The following OPCML variants were observed in gnomAD, a reference collection of about 807,000 sequenced individuals.
The protein encoded by OPCML is opioid binding protein/cell adhesion molecule like, also known as opioid-binding protein/cell adhesion molecule.
OPCML carries 13 observed loss-of-function variants against 37.8 expected under a neutral mutation model. The observed-to-expected ratio is 0.34, with a 90% CI of 0.22 to 0.55. The LOEUF is 0.55. Among genes scored for constraint, OPCML ranks in the 20% least tolerant of loss-of-function variants. The pLI, the probability that OPCML is intolerant of heterozygous loss-of-function variation, is 0.91. For synonymous variants in OPCML, 176 were observed against 168.8 expected (o/e 1.04, Z -0.33); for missense variants, 341 against 435.6 (o/e 0.78, Z 1.93).
chr11:132,755,658 C>G (rs1303803581), intron 2 of OPCML, among the ~76,000 whole-genome samples: 1 of 152,166 alleles, frequency 6.6e-6, no homozygotes, highest in Non-Finnish European at 1.5e-5. Flanking sequence ...TAGTCAAAGT[C>G]TGCTCATATT....
intron 1 of OPCML, among the ~76,000 whole-genome samples, chr11:133,094,229 A>G (rs1391896659): frequency 2.0e-5 from 3 of 152,204 alleles, no homozygotes; most frequent in Admixed American, 6.5e-5. Context: ...AAAAAATGGT[A>G]TATGTTTGAG....
At chr11:133,143,230 C>T (rs762250591) in intron 1 of OPCML, among the ~76,000 whole-genome samples, 2 of 152,198 alleles carry the variant, frequency 1.3e-5, no homozygotes, top group Non-Finnish European at 2.9e-5. Flanking sequence ...TTAGATCTCA[C>T]TAGGTCTGTC....
Position 132,483,405 on chromosome 11 carries a change from T to G in OPCML, c.505+45656A>C, listed in dbSNP as rs960893752. ...AGGAGAACTACAAACCACTGCTCAATGAAATCAAAGAGGATACAAACAAAT... is the reference window on the plus strand; with the variant it reads ...AGGAGAACTACAAACCACTGCTCAAGGAAATCAAAGAGGATACAAACAAAT... On this transcript the variant is annotated intron_variant, in intron 4 of 7. Transcript: ENST00000524381. Among the ~76,000 whole-genome samples the G allele has an allele frequency of 1.4e-4, 22 of 152,082 alleles. 1 individual carries two copies. The South Asian group carries it at 3.1e-3, about 22-fold the overall frequency.
At chr11:132,844,646 T>A (rs1018747437) in intron 2 of OPCML, among the ~76,000 whole-genome samples, 5 of 152,188 alleles carry the variant, frequency 3.3e-5, no homozygotes, top group African/African-American at 9.7e-5. Context: ...AAGGACCAGA[T>A]AATAAATATT....
chr11:132,987,555 T>C (rs541365065), intron 1 of OPCML, among the ~76,000 whole-genome samples: 36 of 152,294 alleles, frequency 2.4e-4, no homozygotes, highest in African/African-American at 7.9e-4. Context: ...AAAAGGCTCA[T>C]AGCTGGGCTA....
chr11:133,244,613 T>A (rs923177297), intron 1 of OPCML, among the ~76,000 whole-genome samples: 1 of 152,130 alleles, frequency 6.6e-6, no homozygotes, highest in African/African-American at 2.4e-5. Flanking sequence ...CAGGGCAGAT[T>A]TCCCCCTTGC....
intron 2 of OPCML, among the ~76,000 whole-genome samples, chr11:132,792,060 T>C (rs893053808): frequency 1.3e-5 from 2 of 152,264 alleles, no homozygotes; most frequent in African/African-American, 4.8e-5. Flanking sequence ...TGTGTCTCTC[T>C]GAATCATTTT....
intron 1 of OPCML, among the ~76,000 whole-genome samples, chr11:133,240,758 T>A (rs1004330316): frequency 6.6e-6 from 1 of 152,232 alleles, no homozygotes; most frequent in Non-Finnish European, 1.5e-5. Context: ...CATCCAGTGT[T>A]GTTCTCCTCA....
chr11:133,441,334 T>C (rs868112666), intron 1 of OPCML, among the ~76,000 whole-genome samples: 8 of 152,174 alleles, frequency 5.3e-5, no homozygotes, highest in East Asian at 1.9e-4. Flanking sequence ...ATAAAAACAA[T>C]TGGACTATTG....
chr11:132,626,795 C>T (rs1051970245), intron 3 of OPCML, among the ~76,000 whole-genome samples: 10 of 854 alleles, frequency 0.012, no homozygotes, highest in African/African-American at 0.011. Flanking sequence ...CTGTACAGAA[C>T]GGTTTTAAAG....
intron 1 of OPCML, among the ~76,000 whole-genome samples, chr11:133,075,486 G>C (rs1262825506): frequency 1.3e-5 from 2 of 152,308 alleles, no homozygotes; most frequent in East Asian, 3.9e-4. Context: ...TGGGGACGCT[G>C]CCGGGAAGCA....
intron 3 of OPCML, among the ~76,000 whole-genome samples, chr11:132,552,803 G>C (rs1203496700): frequency 2.0e-5 from 2 of 100,240 alleles, no homozygotes; most frequent in African/African-American, 4.8e-5. Flanking sequence ...GTCTCGCTCT[G>C]TCTCCCAGGC....
intron 1 of OPCML, among the ~76,000 whole-genome samples, chr11:133,142,307 A>G (rs1419200497): frequency 1.3e-5 from 2 of 152,176 alleles, no homozygotes; most frequent in Non-Finnish European, 2.9e-5. Context: ...CATGTTCCCC[A>G]GTGGCCTGAC....
intron 7 of OPCML, 101 bp downstream of exon 7, chr11:132,435,985 T>A: frequency 2.4e-6 from 3 of 1,227,432 alleles, no homozygotes; most frequent in Non-Finnish European, 3.4e-6. Context: ...TTGAGTAGGA[T>A]GGATGGACAC....
Position 132,419,867 on chromosome 11 carries a change from G to A in OPCML, c.*326C>T, listed in dbSNP as rs3360. ...AAATGAAACTTACGTTTTGTTGTGT[G>A]TGGCAGAGGATGTTGTTGGGAATGA... is the stretch of plus-strand genomic sequence containing the variant. On this transcript the variant is annotated 3_prime_UTR_variant, in exon 8 of 8. Transcript: ENST00000524381. The A allele has an allele frequency of 0.44, 118,372 of 270,792 alleles. 28,319 individuals are homozygous for A. Among genetic ancestry groups the A allele is most frequent in the African/African-American group, 0.7 (31,403 of 44,970 alleles). The allele number at this position is 270,792 out of a possible 1,614,324, so 16.8% of individuals were successfully genotyped here. A position where few individuals can be genotyped will look rare whatever the true frequency, so the allele number is the denominator to read the frequency against.
At chr11:132,678,603 G>C (rs904218277) in intron 2 of OPCML, among the ~76,000 whole-genome samples, 1 of 152,124 alleles carries the variant, frequency 6.6e-6, no homozygotes, top group Middle Eastern at 3.2e-3. Flanking sequence ...TAACTTAAAT[G>C]CATATTACTA....
chr11:132,975,567 A>C (rs1591868056), intron 1 of OPCML, among the ~76,000 whole-genome samples: 3 of 121,048 alleles, frequency 2.5e-5, no homozygotes, highest in African/African-American at 6.5e-5. Context: ...AAAAAAAAAA[A>C]AAAAAAAAAA....
At chr11:132,741,329 C>A (rs967526570) in intron 2 of OPCML, among the ~76,000 whole-genome samples, 1 of 152,110 alleles carries the variant, frequency 6.6e-6, no homozygotes, top group Non-Finnish European at 1.5e-5. Context: ...ACTCATATAC[C>A]TGAATCTTTT....
At chr11:133,073,750 C>A (rs1374328611) in intron 1 of OPCML, among the ~76,000 whole-genome samples, 1 of 152,168 alleles carries the variant, frequency 6.6e-6, no homozygotes, top group Non-Finnish European at 1.5e-5. Context: ...AATGCTTTTG[C>A]CAAGTGATTA....
Sources: allele counts gnomAD v4.1 joint callset (sites outside exome capture counted in the v4.1 genomes callset), GRCh38; gene constraint gnomAD v4.1.1; transcripts MANE v1.5; gene names NCBI Gene and HGNC (gene_info 2026-07-23, HGNC 2026-07-21).